The following KLHL32 variants were observed in gnomAD, a reference collection of about 807,000 sequenced individuals.
KLHL32 encodes the protein kelch-like protein 32.
A neutral mutation model predicts 64.8 loss-of-function variants in KLHL32; 35 were observed. The ratio of observed to expected loss-of-function variants is 0.54; its 90% CI spans 0.41 to 0.72. The LOEUF is 0.72. Ranked by LOEUF, KLHL32 falls within the 30% of genes least tolerant of loss-of-function variation. KLHL32 has a pLI of 0.00. For missense variants in KLHL32, 589 were observed against 768.5 expected (o/e 0.77, Z 2.76); for synonymous variants, 259 against 281.0 (o/e 0.92, Z 0.78).
chr6:97,053,705 A>G (rs1488617787), intron 4 of KLHL32, among the ~76,000 whole-genome samples: 1 of 151,866 alleles, frequency 6.6e-6, no homozygotes, highest in Admixed American at 6.6e-5. Flanking sequence ...ATTAGGTAAG[A>G]TATAAGTACA....
chr6:97,103,887 G>A (rs1796072566), intron 6 of KLHL32, among the ~76,000 whole-genome samples: 3 of 152,172 alleles, frequency 2.0e-5, no homozygotes, highest in African/African-American at 7.2e-5. Flanking sequence ...AGGAAAATTA[G>A]AGAATTCTAC....
intron 7 of KLHL32, among the ~76,000 whole-genome samples, chr6:97,117,172 G>T (rs772874332): frequency 1.3e-5 from 2 of 152,176 alleles, no homozygotes; most frequent in Non-Finnish European, 2.9e-5. Context: ...AAAAATACAG[G>T]TATAGTTCAC....
At chr6:96,900,646 T>C in the KLHL32 span, among the ~76,000 whole-genome samples, 1 of 152,198 alleles carries the variant, frequency 6.6e-6, no homozygotes, top group Non-Finnish European at 1.5e-5. Flanking sequence ...CTGCCTAGAC[T>C]TTTACCATTG....
At chr6:97,124,808 T>G (rs1216691823) in intron 7 of KLHL32, among the ~76,000 whole-genome samples, 7 of 152,310 alleles carry the variant, frequency 4.6e-5, no homozygotes, top group Non-Finnish European at 1.0e-4. Flanking sequence ...TGAAGACTTG[T>G]GAAGTCTCAA....
At chr6:96,909,665 C>G in the KLHL32 span, among the ~76,000 whole-genome samples, 11 of 152,322 alleles carry the variant, frequency 7.2e-5, no homozygotes, top group African/African-American at 2.6e-4. Flanking sequence ...CTCAGGTATA[C>G]TGATTTCCCA....
intron 4 of KLHL32, among the ~76,000 whole-genome samples, chr6:97,060,806 C>T (rs1788755823): frequency 6.6e-6 from 1 of 152,174 alleles, no homozygotes; most frequent in Non-Finnish European, 1.5e-5. Flanking sequence ...TCCCCTTCTC[C>T]TGCACTTGTG....
chr6:97,027,676 C>T (rs1256041521), intron 3 of KLHL32, among the ~76,000 whole-genome samples: 2 of 152,194 alleles, frequency 1.3e-5, no homozygotes, highest in Non-Finnish European at 2.9e-5. Flanking sequence ...GTCCTTGAAT[C>T]CACTTTCTTT....
chr6:96,898,398 T>A, the KLHL32 span, among the ~76,000 whole-genome samples: 1 of 152,214 alleles, frequency 6.6e-6, no homozygotes. Context: ...TCCCTTTCGA[T>A]GAGTATTTGT....
chr6:97,114,152 C>A lies in KLHL32; in HGVS notation c.997C>A (p.Pro333Thr), dbSNP rs756533134. ...IANWSELAPM[P>T]VGRSHHCVAV... ...CAACTGGAGTGAGCTGGCTCCCATG[C>A]CTGTGGGAAGGAGCCACCATTGTGT... The change falls in exon 7 of 11, where the codon CCT (proline) becomes ACT (threonine). Residue 333 changes from proline (P) to threonine (T), a missense_variant. Transcript: ENST00000369261. 6.2e-7 allele frequency: 1 copy of A among 1,614,134 alleles called. No individual in the cohort carries two copies. Among genetic ancestry groups the A allele is most frequent in the South Asian group, 1.1e-5 (1 of 91,076 alleles).
At chr6:96,911,142 T>C in the KLHL32 span, among the ~76,000 whole-genome samples, 10 of 152,328 alleles carry the variant, frequency 6.6e-5, no homozygotes, top group Middle Eastern at 3.4e-3. Flanking sequence ...TATTCTCTCA[T>C]AGTTCTGGAG....
At chr6:97,136,669 A>T (rs1467231084) in intron 10 of KLHL32, among the ~76,000 whole-genome samples, 1 of 151,654 alleles carries the variant, frequency 6.6e-6, no homozygotes, top group Non-Finnish European at 1.5e-5. Context: ...ATTTACTATT[A>T]TTTTTTTTGG....
At position 97,140,394 on chromosome 6, in the gene KLHL32, T is replaced by C. The variant is rs2128227396; in HGVS notation, c.*1112T>C. ...TTTTTCCACTTTGTTAAAGGTTATG[T>C]CAATCTTGAGTGCTTGTGGAATTCT... On this transcript the variant is annotated 3_prime_UTR_variant, in exon 11 of 11. Transcript: ENST00000369261. 1 of 152,224 alleles carries C rather than the reference T, an allele frequency of 6.6e-6. No homozygotes were observed. Among genetic ancestry groups the C allele is most frequent in the African/African-American group, 2.4e-5 (1 of 41,584 alleles). The allele number at this position is 152,224 out of a possible 1,614,324, so 9.4% of individuals were successfully genotyped here. A position where few individuals can be genotyped will look rare whatever the true frequency, so the allele number is the denominator to read the frequency against.
chr6:96,991,957 C>T (rs952491838), intron 3 of KLHL32, among the ~76,000 whole-genome samples: 3 of 152,192 alleles, frequency 2.0e-5, no homozygotes, highest in African/African-American at 7.2e-5. Flanking sequence ...TGCTCCCTCC[C>T]CAGCCTGAGG....
intron 3 of KLHL32, among the ~76,000 whole-genome samples, chr6:97,033,582 AT>A (rs1401772729): frequency 6.6e-6 from 1 of 151,896 alleles, no homozygotes; most frequent in African/African-American, 2.4e-5. Context: ...TTCTTTTTAA[AT>A]TTTTTTTAGT....
At chr6:97,132,613 A>G (rs1345768262) in intron 9 of KLHL32, 40 bp from the exon 10 acceptor site, 1 of 1,457,656 alleles carries the variant, frequency 6.9e-7, no homozygotes, top group South Asian at 1.2e-5. Flanking sequence ...TATGTAAGAA[A>G]TGGATTTTTT....
At chr6:97,042,826 C>G (rs111944035) in intron 4 of KLHL32, among the ~76,000 whole-genome samples, 3,729 of 152,260 alleles carry the variant, frequency 0.024, 53 homozygotes, top group East Asian at 0.071. Context: ...TTTGTCCTCT[C>G]CAAATCTCAT....
At chr6:96,943,222 A>G (rs958036727) in intron 1 of KLHL32, among the ~76,000 whole-genome samples, 5 of 152,080 alleles carry the variant, frequency 3.3e-5, no homozygotes, top group Admixed American at 3.3e-4. Context: ...GGGGTAAAGG[A>G]CTGTGATAGG....
chr6:96,960,677 A>G (rs1773789452), intron 1 of KLHL32, among the ~76,000 whole-genome samples: 1 of 152,224 alleles, frequency 6.6e-6, no homozygotes, highest in South Asian at 2.1e-4. Flanking sequence ...CCCTCAGGAG[A>G]TCCTGAGAAC....
At chr6:96,998,011 AT>A (rs1778602947) in intron 3 of KLHL32, among the ~76,000 whole-genome samples, 1 of 152,182 alleles carries the variant, frequency 6.6e-6, no homozygotes, top group Non-Finnish European at 1.5e-5. Context: ...TGTTTATTAC[AT>A]AAAGGATAAA....
Sources: gnomAD v4.1 joint callset for allele counts (sites outside exome capture counted in the v4.1 genomes callset) on GRCh38, gnomAD v4.1.1 for gene constraint, MANE v1.5 for transcripts, NCBI Gene and HGNC (gene_info 2026-07-23, HGNC 2026-07-21) for gene names.